The following SH3RF3 variants were observed in gnomAD, a reference collection of about 807,000 sequenced individuals.
SH3RF3 encodes E3 ubiquitin-protein ligase SH3RF3.
In SH3RF3, 29 loss-of-function variants were observed where a neutral mutation model predicts 66.3. The observed-to-expected ratio is 0.44, with a 90% CI of 0.33 to 0.60. The LOEUF (loss-of-function observed/expected upper bound fraction) is 0.60. SH3RF3 is among the 20% of genes least tolerant of loss of function. SH3RF3 has a pLI of 0.04. For missense variants in SH3RF3, 1,194 were observed against 1,190.9 expected, an observed-to-expected ratio of 1.00 and a Z score of -0.04; for synonymous variants, 583 against 532.0, an observed-to-expected ratio of 1.10 and a Z score of -1.32.
chr2:109,375,226 T>A (rs1221419356), intron 3 of SH3RF3, among the ~76,000 whole-genome samples: 1 of 152,264 alleles, frequency 6.6e-6, no homozygotes, highest in East Asian at 1.9e-4. Context: ...TGCCCAGCTC[T>A]TCTTCCCATG....
intron 1 of SH3RF3, among the ~76,000 whole-genome samples, chr2:109,312,225 C>A (rs1457570517): frequency 6.6e-6 from 1 of 152,154 alleles, no homozygotes; most frequent in African/African-American, 2.4e-5. Flanking sequence ...ACAAAACACA[C>A]AAGGCCAGAG....
intron 8 of SH3RF3, among the ~76,000 whole-genome samples, chr2:109,468,502 G>A (rs557580147): frequency 6.6e-6 from 1 of 152,280 alleles, no homozygotes; most frequent in East Asian, 1.9e-4. Context: ...AGGGCAGGAA[G>A]CAAAATGTTT....
intron 2 of SH3RF3, among the ~76,000 whole-genome samples, chr2:109,357,583 G>T (rs1682977569): frequency 6.6e-6 from 1 of 152,216 alleles, no homozygotes; most frequent in Admixed American, 6.5e-5. Flanking sequence ...TAACACTACA[G>T]ATGAGTTGTG....
At chr2:109,429,591 G>A (rs1181569044) in intron 5 of SH3RF3, among the ~76,000 whole-genome samples, 4 of 151,872 alleles carry the variant, frequency 2.6e-5, no homozygotes, top group South Asian at 2.1e-4. Flanking sequence ...CAGCCTCCCC[G>A]GGCCACACCT....
intron 1 of SH3RF3, among the ~76,000 whole-genome samples, chr2:109,169,811 A>G (rs1031466544): frequency 2.6e-5 from 4 of 152,282 alleles, no homozygotes; most frequent in Middle Eastern, 6.8e-3. Flanking sequence ...GATTACTCAG[A>G]AAAAGATAAG....
intron 8 of SH3RF3, among the ~76,000 whole-genome samples, chr2:109,481,455 G>A (rs768942031): frequency 8.5e-5 from 13 of 152,186 alleles, no homozygotes; most frequent in African/African-American, 2.9e-4. Flanking sequence ...GTATGTTCTC[G>A]GTGACTGGTC....
intron 1 of SH3RF3, among the ~76,000 whole-genome samples, chr2:109,304,956 G>A (rs367950703): frequency 6.2e-4 from 94 of 152,276 alleles, no homozygotes; most frequent in African/African-American, 2.2e-3. Context: ...TAAAATCAGC[G>A]TCAACTTATG....
chr2:109,361,038 G>A (rs1480625021), intron 2 of SH3RF3, among the ~76,000 whole-genome samples: 1 of 152,116 alleles, frequency 6.6e-6, no homozygotes, highest in Non-Finnish European at 1.5e-5. Flanking sequence ...TCATGAATGG[G>A]TATTGGATTT....
chr2:109,176,508 G>T (rs1040526534), intron 1 of SH3RF3, among the ~76,000 whole-genome samples: 14 of 152,112 alleles, frequency 9.2e-5, no homozygotes, highest in Admixed American at 2.0e-4. Flanking sequence ...AAGGTGGGAG[G>T]ATCACTTCAG....
chr2:109,366,591 G>C (rs955998316), intron 2 of SH3RF3, among the ~76,000 whole-genome samples: 9 of 152,238 alleles, frequency 5.9e-5, no homozygotes, highest in African/African-American at 1.9e-4. Flanking sequence ...GTTCATGCCT[G>C]TAATCCCAGC....
intron 1 of SH3RF3, among the ~76,000 whole-genome samples, chr2:109,255,587 T>A (rs1680204915): frequency 6.6e-6 from 1 of 152,220 alleles, no homozygotes; most frequent in African/African-American, 2.4e-5. Context: ...TCTATAATTA[T>A]GAAAATGTTT....
At chr2:109,498,850 G>A (rs765078694) in intron 9 of SH3RF3, among the ~76,000 whole-genome samples, 2 of 152,202 alleles carry the variant, frequency 1.3e-5, no homozygotes, top group South Asian at 2.1e-4. Flanking sequence ...GGGCAGGCCC[G>A]GCGTGGCCAC....
rs529594585 is a variant in SH3RF3, at chr2:109,378,271, C to G, written c.945+6590C>G. On this transcript the variant is annotated intron_variant, in intron 3 of 9. Coordinates refer to ENST00000309415, the MANE Select transcript of SH3RF3 (RefSeq NM_001099289.3). ...TCATATTCACAGTCCTGGTCTCTGC[C>G]TTCCCTCCTCCTTCCAAAGACCCCC... Among the ~76,000 whole-genome samples the G allele has an allele frequency of 5.9e-5, 9 of 152,322 alleles. No individual in the cohort carries two copies. In the South Asian group the frequency reaches 1.9e-3, roughly 32 times the overall value.
At chr2:109,246,670 G>A (rs767962198) in intron 1 of SH3RF3, among the ~76,000 whole-genome samples, 21 of 152,150 alleles carry the variant, frequency 1.4e-4, no homozygotes, top group Non-Finnish European at 2.5e-4. Flanking sequence ...TGGACTTAAC[G>A]TGCCTGGTGG....
intron 1 of SH3RF3, among the ~76,000 whole-genome samples, chr2:109,272,679 C>A (rs1166713006): frequency 2.6e-5 from 4 of 152,230 alleles, no homozygotes; most frequent in Admixed American, 2.6e-4. Context: ...GCTGAGTTGT[C>A]ATGGAGACAA....
chr2:109,420,091 G>A (rs1051860826), intron 5 of SH3RF3, among the ~76,000 whole-genome samples: 2 of 152,224 alleles, frequency 1.3e-5, no homozygotes, highest in Admixed American at 6.5e-5. Flanking sequence ...CCACACCAGC[G>A]CATGCCAGCT....
At chr2:109,145,451 C>T (rs1451477107) in intron 1 of SH3RF3, among the ~76,000 whole-genome samples, 3 of 152,176 alleles carry the variant, frequency 2.0e-5, no homozygotes, top group South Asian at 2.1e-4. Flanking sequence ...GTCGCCTTCA[C>T]CATTGGTCTG....
intron 1 of SH3RF3, among the ~76,000 whole-genome samples, chr2:109,264,213 G>A (rs113630748): frequency 2.5e-4 from 29 of 114,978 alleles, no homozygotes; most frequent in South Asian, 1.2e-3. Flanking sequence ...ACCTCCCCAG[G>A]ATCCACTCCG....
intron 1 of SH3RF3, among the ~76,000 whole-genome samples, chr2:109,191,626 C>G (rs1048417350): frequency 2.0e-5 from 3 of 152,132 alleles, no homozygotes; most frequent in Non-Finnish European, 2.9e-5. Flanking sequence ...AGTGGAATTG[C>G]AGCAAGAGCA....
Sources: gnomAD v4.1 joint callset for allele counts (sites outside exome capture counted in the v4.1 genomes callset) on GRCh38, gnomAD v4.1.1 for gene constraint, MANE v1.5 for transcripts, NCBI Gene and HGNC (gene_info 2026-07-23, HGNC 2026-07-21) for gene names.